The following CARTPT variants were observed in gnomAD, a reference collection of about 807,000 sequenced individuals.
CARTPT encodes cocaine- and amphetamine-regulated transcript protein.
CARTPT carries 6 observed loss-of-function variants against 12.2 expected under a neutral mutation model. The observed-to-expected ratio is 0.49, with a 90% CI of 0.27 to 0.97. The LOEUF is 0.97. Ranked by LOEUF, CARTPT falls within the 50% of genes least tolerant of loss-of-function variation. CARTPT has a pLI of 0.12. For missense variants in CARTPT, 135 were observed against 142.0 expected (o/e 0.95, Z 0.25); for synonymous variants, 75 against 64.1 (o/e 1.17, Z -0.82).
chr5:71,719,402 GC>G lies in CARTPT; in HGVS notation c.112del (p.Leu38TrpfsTer16). ...GGAGGACGCCGAGCTCCAGCCCCGA[GC>G]CCTGGACATCTACTCTGCCGTGGAT... ...AQEDAELQPR[A>X]LDIYSAVDDA... On this transcript the variant is annotated frameshift_variant, in exon 1 of 3. Transcript: ENST00000296777. LOFTEE classifies it high-confidence loss of function. 1 of 1,614,136 alleles carries G rather than the reference GC, an allele frequency of 6.2e-7. No individual in the cohort carries two copies. The highest frequency in any genetic ancestry group is 8.5e-7 in the Non-Finnish European group (1 of 1,180,024).
In CARTPT at chr5:71,720,624, C is replaced by G; in HGVS notation, c.*9C>G. On this transcript the variant is annotated 3_prime_UTR_variant, in exon 3 of 3. Coordinates refer to ENST00000296777, the MANE Select transcript of CARTPT (RefSeq NM_004291.4). ...TCCTGAAGTGCTTATGAAGGGGCGT[C>G]CATTCTCCTCCATACATCCCCATCC... 6.4e-7 allele frequency: 1 copy of G among 1,574,040 alleles called. No individual in the cohort carries two copies. Among genetic ancestry groups the G allele is most frequent in the East Asian group, 2.3e-5 (1 of 44,092 alleles).
intron 2 of CARTPT, 73 bp from the exon 3 acceptor site, chr5:71,720,435 G>T: frequency 5.9e-6 from 8 of 1,345,302 alleles, no homozygotes; most frequent in East Asian, 2.5e-5. Context: ...CAGAAATTGC[G>T]TTGACTGTGA....
In CARTPT at chr5:71,720,251, C is replaced by T. The variant is rs1214909715; in HGVS notation, c.244-257C>T. ...GAAATGTGATGCTCCCCTTCCCACG[C>T]CCCCCAACCCTCGCCACTTAAAGGT... On this transcript the variant is annotated intron_variant, in intron 2 of 2. Coordinates refer to ENST00000296777, the MANE Select transcript of CARTPT (RefSeq NM_004291.4). Among the ~76,000 whole-genome samples the T allele has an allele frequency of 2.6e-5, 4 of 152,080 alleles. No individual in the cohort carries two copies. The East Asian group carries it at 7.7e-4, about 29-fold the overall frequency.
At chr5:71,719,556 G>A (rs767014973) in intron 1 of CARTPT, 104 bp downstream of exon 1, 2 of 1,420,766 alleles carry the variant, frequency 1.4e-6, no homozygotes, top group East Asian at 4.7e-5. Flanking sequence ...CAGAGTCAGG[G>A]CGCGGGGAGC....
intron 1 of CARTPT, chr5:71,719,663 C>A: frequency 1.3e-6 from 1 of 759,152 alleles, no homozygotes; most frequent in South Asian, 1.6e-5. Flanking sequence ...CCCGGCCCCT[C>A]TGAGCAACAG....
rs1235639448 is a variant in CARTPT at position 71,721,035 on chromosome 5, T to C, written c.*420T>C. 1 of 204,138 alleles carries C rather than the reference T, an allele frequency of 4.9e-6. No individual in the cohort carries two copies. The highest frequency in any genetic ancestry group is 1.0e-5 in the Non-Finnish European group (1 of 99,006). The allele number at this position is 204,138 out of a possible 1,614,324, so 12.6% of individuals were successfully genotyped here. The stretch of plus-strand genomic sequence containing the variant: ...GTACAAATTATACATAATAAAGTGT[T>C]TTTAATAATTGCCCATAGTGCACTG... On this transcript the variant is annotated 3_prime_UTR_variant, in exon 3 of 3. Transcript: ENST00000296777.
Position 71,720,876 on chromosome 5 carries a change from A to G in CARTPT, c.*261A>G. Reference sequence around the variant, plus strand: ...ACAAACTCTTGTGTACCTTTGTGTAAAGAAGGGAAGCTTTGTTTGAAAATT... The same window carrying G: ...ACAAACTCTTGTGTACCTTTGTGTAGAGAAGGGAAGCTTTGTTTGAAAATT... On this transcript the variant is annotated 3_prime_UTR_variant, in exon 3 of 3. Coordinates refer to ENST00000296777, the MANE Select transcript of CARTPT (RefSeq NM_004291.4). The G allele has an allele frequency of 4.3e-6, 2 of 461,480 alleles. No individual in the cohort carries two copies. Among genetic ancestry groups the G allele is most frequent in the Non-Finnish European group, 7.9e-6 (2 of 253,250 alleles). 28.6% of individuals were successfully genotyped at this position (461,480 alleles called of 1,614,324 possible).
intron 1 of CARTPT, 145 bp downstream of exon 1, chr5:71,719,597 C>A: frequency 2.0e-6 from 2 of 978,440 alleles, no homozygotes; most frequent in Non-Finnish European, 3.1e-6. Flanking sequence ...CCACTGCCAT[C>A]CGAAGAGCGT....
chr5:71,720,033 A>C, intron 2 of CARTPT, 70 bp downstream of exon 2: 1 of 1,328,788 alleles, frequency 7.5e-7, no homozygotes, highest in South Asian at 1.2e-5. Context: ...TCGTACACAC[A>C]GTCTTCTCCG....
intron 1 of CARTPT, 75 bp downstream of exon 1, chr5:71,719,527 C>T (rs1008801965): frequency 3.9e-6 from 6 of 1,544,478 alleles, no homozygotes. Context: ...CCTCCTCCCC[C>T]CACCCCCACT....
At position 71,720,650 on chromosome 5, in the gene CARTPT, C is replaced by T. The variant is rs775406829; in HGVS notation, c.*35C>T. 6.6e-7 allele frequency: 1 copy of T among 1,512,412 alleles called. No individual in the cohort carries two copies. Among genetic ancestry groups the T allele is most frequent in the African/African-American group, 1.4e-5 (1 of 73,054 alleles). The allele number at this position is 1,512,412 out of a possible 1,614,324, so 93.7% of individuals were successfully genotyped here. A position where few individuals can be genotyped will look rare whatever the true frequency, so the allele number is the denominator to read the frequency against. On this transcript the variant is annotated 3_prime_UTR_variant, in exon 3 of 3. Transcript: ENST00000296777. The stretch of plus-strand genomic sequence containing the variant: ...CATTCTCCTCCATACATCCCCATCC[C>T]TCTACTTTCCCCAGAGGACCACACC...
In CARTPT at chr5:71,719,917, G is replaced by A. The variant is rs78242624; in HGVS notation, c.197G>A (p.Ser66Asn). The A allele has an allele frequency of 1.9e-6, 3 of 1,614,238 alleles. No homozygotes were observed. Among genetic ancestry groups the A allele is most frequent in the Non-Finnish European group, 2.5e-6 (3 of 1,180,042 alleles). The change falls in exon 2 of 3, where the codon AGT becomes AAT. Residue 66 changes from serine (S) to asparagine (N), a missense_variant. Physicochemically the swap from Ser to Asn is conservative, Grantham distance 46. Transcript: ENST00000296777. Reference protein sequence around the residue: ...ALQEVLKKLKSKRVPIYEKKY... With the variant: ...ALQEVLKKLKNKRVPIYEKKY... ...CAAGAAGTCTTGAAGAAGCTCAAGA[G>A]TAAACGTGTTCCCATCTATGAGAAG...
At chr5:71,719,795 C>G (rs553115778) in intron 1 of CARTPT, 85 bp from the exon 2 acceptor site, 9 of 1,274,684 alleles carry the variant, frequency 7.1e-6, no homozygotes, top group Non-Finnish European at 1.0e-5. Flanking sequence ...GTCCGGGGCT[C>G]CTTATAACTA....
intron 2 of CARTPT, 27 bp downstream of exon 2, chr5:71,719,990 G>T (rs1370990225): frequency 1.3e-6 from 2 of 1,592,190 alleles, no homozygotes; most frequent in East Asian, 2.2e-5. Flanking sequence ...CTCCCTTCCC[G>T]TGTTTTTCCA....
chr5:71,720,653 T>C lies in CARTPT; in HGVS notation c.*38T>C. ...TCTCCTCCATACATCCCCATCCCTC[T>C]ACTTTCCCCAGAGGACCACACCTTC... On this transcript the variant is annotated 3_prime_UTR_variant, in exon 3 of 3. Coordinates refer to ENST00000296777, the MANE Select transcript of CARTPT (RefSeq NM_004291.4). The C allele has an allele frequency of 6.6e-7, 1 of 1,505,730 alleles. No individual in the cohort carries two copies. Among genetic ancestry groups the C allele is most frequent in the Non-Finnish European group, 9.1e-7 (1 of 1,096,386 alleles). The allele number at this position is 1,505,730 out of a possible 1,614,324, so 93.3% of individuals were successfully genotyped here. A position where few individuals can be genotyped will look rare whatever the true frequency, so the allele number is the denominator to read the frequency against.
In CARTPT at chr5:71,720,824, G is replaced by A; in HGVS notation, c.*209G>A. On this transcript the variant is annotated 3_prime_UTR_variant, in exon 3 of 3. Transcript: ENST00000296777. ...TGCCTTGTATGGTGTTGATACGTGT[G>A]TGAAGTATTCTTATTTTATTTGTCT... The A allele has an allele frequency of 1.8e-6, 1 of 566,146 alleles. No homozygotes were observed. The highest frequency in any genetic ancestry group is 3.2e-6 in the Non-Finnish European group (1 of 315,934). The allele number at this position is 566,146 out of a possible 1,614,324, so 35.1% of individuals were successfully genotyped here. A position where few individuals can be genotyped will look rare whatever the true frequency, so the allele number is the denominator to read the frequency against.
rs778773075 is a variant in CARTPT, at chr5:71,719,926, T to C, written c.206T>C (p.Val69Ala). Residue 69 changes from valine (V) to alanine (A), a missense_variant, in exon 2 of 3, where the codon GTT becomes GCT. Physicochemically the swap from Val to Ala is moderately conservative, Grantham distance 64 (BLOSUM62 0). Coordinates refer to ENST00000296777, the MANE Select transcript of CARTPT (RefSeq NM_004291.4). ...EVLKKLKSKRVPIYEKKYGQV... is the reference protein window; with the variant it reads ...EVLKKLKSKRAPIYEKKYGQV... Reference sequence around the variant, plus strand: ...TTGAAGAAGCTCAAGAGTAAACGTGTTCCCATCTATGAGAAGAAGTATGGC... The same window carrying C: ...TTGAAGAAGCTCAAGAGTAAACGTGCTCCCATCTATGAGAAGAAGTATGGC... 5 of 1,614,196 alleles carry C rather than the reference T, an allele frequency of 3.1e-6. No individual in the cohort carries two copies. In the South Asian group the frequency reaches 5.5e-5, roughly 18 times the overall value.
intron 1 of CARTPT, 182 bp downstream of exon 1, chr5:71,719,634 T>C (rs899228991): frequency 6.2e-6 from 5 of 802,650 alleles, no homozygotes; most frequent in Non-Finnish European, 1.0e-5. Flanking sequence ...CCTGGCAGTC[T>C]GTTGAGCGAA....
At chr5:71,720,477 T>C (rs765160071) in intron 2 of CARTPT, 31 bp from the exon 3 acceptor site, 1 of 1,587,250 alleles carries the variant, frequency 6.3e-7, no homozygotes, top group Non-Finnish European at 8.6e-7. Context: ...GGTTTGTTCA[T>C]ACTCGATGAC....
Sources: allele counts gnomAD v4.1 joint callset (sites outside exome capture counted in the v4.1 genomes callset), GRCh38; gene constraint gnomAD v4.1.1; transcripts MANE v1.5; gene names NCBI Gene and HGNC (gene_info 2026-07-23, HGNC 2026-07-21).